Variants in VMA12 observed in about 807,000 individuals in gnomAD.
The protein encoded by VMA12 is vacuolar ATPase assembly factor VMA12.
the VMA12 span, chr17:28,359,332 C>T: frequency 1.2e-6 from 2 of 1,613,930 alleles, no homozygotes; most frequent in African/African-American, 1.3e-5. Context: ...AACTAGTTGC[C>T]CGGCTGGAGA....
chr17:28,357,805 T>C, the VMA12 span: 1 of 1,613,732 alleles, frequency 6.2e-7, no homozygotes, highest in Non-Finnish European at 8.5e-7. Flanking sequence ...ACAAGGGCGG[T>C]GATAGCTCCA....
the VMA12 span, chr17:28,358,879 C>T: frequency 6.4e-6 from 10 of 1,566,244 alleles, no homozygotes; most frequent in South Asian, 6.9e-5. Flanking sequence ...AACCTCAGCT[C>T]GTGGATCATT....
the VMA12 span, chr17:28,362,275 TGTTA>T: frequency 1.3e-5 from 2 of 152,160 alleles, no homozygotes; most frequent in Non-Finnish European, 2.9e-5. Context: ...TGCCAGTTTC[TGTTA>T]GTTGGGAGAA....
the VMA12 span, chr17:28,360,724 C>T: frequency 7.9e-5 from 127 of 1,613,260 alleles, no homozygotes; most frequent in Middle Eastern, 1.6e-4. Context: ...CTCTCTGGCT[C>T]CTCCCCAAAG....
the VMA12 span, chr17:28,361,397 G>A: frequency 1.5e-6 from 1 of 685,984 alleles, no homozygotes; most frequent in Non-Finnish European, 2.5e-6. Flanking sequence ...TGTTTCTGTG[G>A]GGAGCCCTAA....
the VMA12 span, chr17:28,361,043 C>A: frequency 9.3e-7 from 1 of 1,073,098 alleles, no homozygotes; most frequent in Non-Finnish European, 1.4e-6. Flanking sequence ...CTCTTTTCTT[C>A]CCCTCCCCCA....
chr17:28,362,431 G>A, the VMA12 span: 1 of 152,170 alleles, frequency 6.6e-6, no homozygotes, highest in African/African-American at 2.4e-5. Context: ...GGAGGCTGAG[G>A]CAGGCGGATC....
the VMA12 span, chr17:28,359,062 A>G: frequency 7.2e-7 from 1 of 1,387,654 alleles, no homozygotes; most frequent in Non-Finnish European, 9.9e-7. Context: ...TGAACTTATA[A>G]ATCAACTTTT....
chr17:28,360,128 A>G, the VMA12 span: 1,055 of 176,604 alleles, frequency 6.0e-3, 15 homozygotes, highest in African/African-American at 0.024. Context: ...CCACCACGCC[A>G]GGCTAATTTT....
At chr17:28,359,466 A>G in the VMA12 span, 1 of 1,492,138 alleles carries the variant, frequency 6.7e-7, no homozygotes. Flanking sequence ...CCTGCAGTGG[A>G]AGAAGATACA....
the VMA12 span, chr17:28,361,002 G>C: frequency 3.3e-6 from 3 of 902,784 alleles, no homozygotes; most frequent in Admixed American, 6.9e-5. Context: ...GTCACGGGAG[G>C]TTAGGTAATA....
At chr17:28,359,573 A>G in the VMA12 span, 2 of 564,362 alleles carry the variant, frequency 3.5e-6, no homozygotes, top group African/African-American at 3.8e-5. Flanking sequence ...ATTCACTGAG[A>G]CTCTGGGCTG....
At chr17:28,358,940 T>C in the VMA12 span, 1 of 1,612,348 alleles carries the variant, frequency 6.2e-7, no homozygotes, top group Non-Finnish European at 8.5e-7. Context: ...CTCCATGAGC[T>C]CCTAGAAGGC....
the VMA12 span, chr17:28,358,475 T>A: frequency 5.3e-5 from 25 of 472,494 alleles, no homozygotes; most frequent in East Asian, 1.7e-3. Flanking sequence ...TAAGGTATTT[T>A]GCCAGAAGTA....
chr17:28,357,748 A>T, the VMA12 span: 1 of 1,613,122 alleles, frequency 6.2e-7, no homozygotes, highest in Admixed American at 1.7e-5. Flanking sequence ...CAGAGCGGCT[A>T]CCCCGAAAGC....
the VMA12 span, chr17:28,362,132 T>G: frequency 3.9e-5 from 6 of 152,128 alleles, no homozygotes; most frequent in African/African-American, 1.2e-4. Context: ...CTGTTCAGGG[T>G]CTGCTCCTCC....
chr17:28,361,188 T>C, the VMA12 span: 1 of 1,614,058 alleles, frequency 6.2e-7, no homozygotes, highest in East Asian at 2.2e-5. Context: ...GTCGCCTCTG[T>C]GGTGGGTCTG....
chr17:28,361,550 G>A, the VMA12 span: 1 of 346,538 alleles, frequency 2.9e-6, no homozygotes, highest in Non-Finnish European at 5.4e-6. Flanking sequence ...AAACACTGCT[G>A]GGACTAGGGT....
At chr17:28,362,974 C>T in the VMA12 span, 1 of 152,200 alleles carries the variant, frequency 6.6e-6, no homozygotes, top group Non-Finnish European at 1.5e-5. Context: ...GTGGGAAGAA[C>T]AAGAAGTTTA....
Sources: allele counts gnomAD v4.1 joint callset, GRCh38; gene constraint gnomAD v4.1.1; transcripts MANE v1.5; gene names NCBI Gene and HGNC (gene_info 2026-07-23, HGNC 2026-07-21).